Variants in BSCL2 observed in about 807,000 individuals in gnomAD.
BSCL2 encodes the protein seipin.
A neutral mutation model predicts 57.4 loss-of-function variants in BSCL2; 41 were observed. That is an observed-to-expected ratio of 0.71 (90% confidence interval 0.56 to 0.93). The LOEUF is 0.93. Among genes scored for constraint, BSCL2 ranks in the 40% least tolerant of loss-of-function variants. The probability of loss-of-function intolerance (pLI) is 0.00; values close to 1 mark genes in which losing one functional copy is unlikely to be tolerated. For missense variants in BSCL2, 539 were observed against 586.7 expected (o/e 0.92, Z 0.84); for synonymous variants, 237 against 227.3 (o/e 1.04, Z -0.38).
intron 4 of BSCL2, among the ~76,000 whole-genome samples, chr11:62,693,607 C>T (rs1227374627): frequency 6.6e-6 from 1 of 152,160 alleles, no homozygotes; most frequent in Non-Finnish European, 1.5e-5. Context: ...CTATTATACC[C>T]ATTTTATAAT....
chr11:62,705,621 G>C lies in BSCL2; in HGVS notation c.88-4C>G. On this transcript the variant is annotated splice_region_variant and splice_polypyrimidine_tract_variant and intron_variant, in intron 1 of 10. Coordinates refer to ENST00000360796, the MANE Select transcript of BSCL2 (RefSeq NM_001122955.4). ...GGGATGCAGCAGCTGGTGGTTCCTG[G>C]AAAGAGAGGGTGAGGGAAAAGAGTG... 2.6e-6 allele frequency: 4 copies of C among 1,512,990 alleles called. No homozygotes were observed. The highest frequency in any genetic ancestry group is 1.3e-5 in the South Asian group (1 of 78,296). The allele number at this position is 1,512,990 out of a possible 1,614,324, so 93.7% of individuals were successfully genotyped here.
chr11:62,708,617 G>T, upstream of BSCL2: 1 of 1,597,778 alleles, frequency 6.3e-7, no homozygotes, highest in African/African-American at 1.3e-5. Context: ...CATTTGGGGA[G>T]GGAGGCTGCA....
At chr11:62,709,461 G>A (rs1460323214), upstream of BSCL2, 1 of 454,042 alleles carries the variant, frequency 2.2e-6, no homozygotes. Context: ...GCCGAAGAGG[G>A]GGGATTTAGG....
rs137852972 is a variant in BSCL2 at position 62,702,499 on chromosome 11, T to C, written c.455A>G (p.Asn152Ser). Residue 152 changes from asparagine to serine, a missense_variant, in exon 3 of 11, where the codon AAT (asparagine) becomes AGT (serine). Transcript: ENST00000360796. ...TTSLCSFPVA[N>S]VSLTKGGRDR... ...ACGTCCACCCTTAGTCAGCGAGACA[T>C]TGGCAACAGGGAAGGAGCAGAGTGA... 8.7e-6 allele frequency: 14 copies of C among 1,613,074 alleles called. No homozygotes were observed. The highest frequency in any genetic ancestry group is 2.2e-5 in the East Asian group (1 of 44,838).
At chr11:62,709,420 G>T (rs755444290), upstream of BSCL2, 29 of 453,774 alleles carry the variant, frequency 6.4e-5, no homozygotes, top group Non-Finnish European at 1.1e-4. Context: ...ACACACAAAC[G>T]TGCAACGAAG....
intron 1 of BSCL2, 142 bp from the exon 2 acceptor site, chr11:62,705,759 G>A (rs191835830): frequency 4.7e-6 from 4 of 844,994 alleles, no homozygotes; most frequent in Admixed American, 2.9e-5. Context: ...TTCTCCAAAT[G>A]ATTGTGCCAC....
intron 3 of BSCL2, among the ~76,000 whole-genome samples, chr11:62,701,975 T>C (rs76060480): frequency 6.6e-6 from 1 of 152,200 alleles, no homozygotes; most frequent in Non-Finnish European, 1.5e-5. Context: ...AGGGACTATG[T>C]TGAGAAAGAA....
chr11:62,706,143 C>A (rs1293626832), intron 1 of BSCL2: 1 of 959,518 alleles, frequency 1.0e-6, no homozygotes, highest in East Asian at 1.1e-4. Flanking sequence ...CTGCAGCCAA[C>A]CGCCGCTTCC....
chr11:62,697,312 G>C (rs151192349), intron 3 of BSCL2, among the ~76,000 whole-genome samples: 3,699 of 149,022 alleles, frequency 0.025, 78 homozygotes, highest in East Asian at 0.13. Context: ...GGAGAATGGC[G>C]TGAACCCGGG....
chr11:62,692,587 G>A, intron 5 of BSCL2, 76 bp downstream of exon 5: 2 of 1,612,590 alleles, frequency 1.2e-6, no homozygotes, highest in South Asian at 1.1e-5. Flanking sequence ...TCCTGAGCCT[G>A]GAGGCTTCTC....
At chr11:62,691,860 C>T (rs1945319238) in intron 6 of BSCL2, among the ~76,000 whole-genome samples, 1 of 152,072 alleles carries the variant, frequency 6.6e-6, no homozygotes, top group Non-Finnish European at 1.5e-5. Flanking sequence ...ACCATCCTGG[C>T]TAACACGGTG....
intron 4 of BSCL2, among the ~76,000 whole-genome samples, chr11:62,693,337 C>T (rs1167468538): frequency 1.3e-5 from 2 of 152,000 alleles, no homozygotes; most frequent in African/African-American, 4.8e-5. Flanking sequence ...AACCCCACCT[C>T]CACTAAAAAT....
At chr11:62,696,993 G>T (rs974947649) in intron 3 of BSCL2, among the ~76,000 whole-genome samples, 5 of 151,532 alleles carry the variant, frequency 3.3e-5, no homozygotes, top group Non-Finnish European at 7.4e-5. Context: ...AGCTATGATT[G>T]GGCCACTGCA....
chr11:62,691,026 C>T (rs756620841), intron 8 of BSCL2, 49 bp downstream of exon 8: 7 of 1,607,976 alleles, frequency 4.4e-6, no homozygotes, highest in Non-Finnish European at 6.0e-6. Context: ...TCTGGCCCAG[C>T]CCAGCTCAAC....
intron 1 of BSCL2, 123 bp from the exon 2 acceptor site, chr11:62,705,740 A>G: frequency 1.0e-6 from 1 of 968,520 alleles, no homozygotes; most frequent in South Asian, 1.8e-5. Context: ...TGTTTCATAT[A>G]TATGGCCTTT....
In BSCL2 at chr11:62,692,664, G is replaced by A. The variant is rs761806607; in HGVS notation, c.764C>T (p.Ser255Leu). ...ATAAAGCTCGTTCACCTCACTCACCGAGTTCTCTCTATAGTCTGCGTAGAG... is the reference window on the plus strand; with the variant it reads ...ATAAAGCTCGTTCACCTCACTCACCAAGTTCTCTCTATAGTCTGCGTAGAG... ...VELYADYRENSYVPTTGAIIE... is the reference protein window; with the variant it reads ...VELYADYRENLYVPTTGAIIE... The change falls in exon 5 of 11, where the codon TCG (serine) becomes TTG (leucine). Residue 255 changes from serine to leucine, a missense_variant and splice_region_variant. Coordinates refer to ENST00000360796, the MANE Select transcript of BSCL2 (RefSeq NM_001122955.4). 6.2e-7 allele frequency: 1 copy of A among 1,613,972 alleles called. No individual in the cohort carries two copies. The highest frequency in any genetic ancestry group is 8.5e-7 in the Non-Finnish European group (1 of 1,180,036).
intron 2 of BSCL2, among the ~76,000 whole-genome samples, chr11:62,704,567 A>T (rs1945758210): frequency 2.9e-5 from 2 of 68,920 alleles, no homozygotes; most frequent in South Asian, 1.2e-3. Flanking sequence ...CAATAACAAA[A>T]CAAAAAAAAA....
intron 3 of BSCL2, among the ~76,000 whole-genome samples, chr11:62,698,604 A>G (rs2259377): frequency 6.6e-6 from 1 of 152,142 alleles, no homozygotes. Flanking sequence ...ACATCTACTT[A>G]TAGCAAGCCG....
chr11:62,698,660 A>G (rs1341904916), intron 3 of BSCL2, among the ~76,000 whole-genome samples: 2 of 152,236 alleles, frequency 1.3e-5, no homozygotes, highest in East Asian at 1.9e-4. Context: ...TCATTTAAAA[A>G]TGTTCATTGT....
Sources: allele counts gnomAD v4.1 joint callset (sites outside exome capture counted in the v4.1 genomes callset), GRCh38; gene constraint gnomAD v4.1.1; transcripts MANE v1.5; gene names NCBI Gene and HGNC (gene_info 2026-07-23, HGNC 2026-07-21).